HHLA1: variants seen among roughly 807,000 people sequenced by gnomAD.
HHLA1 encodes the protein HERV-H LTR-associating protein 1.
Under a neutral mutation model 69.9 loss-of-function variants are expected in HHLA1, and 72 were observed. The ratio of observed to expected loss-of-function variants is 1.03; its 90% CI spans 0.85 to 1.25. The LOEUF (loss-of-function observed/expected upper bound fraction) is 1.25. Among genes scored for constraint, HHLA1 ranks in the 50% most tolerant of loss-of-function variants. The pLI, the probability that HHLA1 is intolerant of heterozygous loss-of-function variation, is 0.00. For synonymous variants in HHLA1, 252 were observed against 233.2 expected, an observed-to-expected ratio of 1.08 and a Z score of -0.73; for missense variants, 685 against 642.2, an observed-to-expected ratio of 1.07 and a Z score of -0.72.
intron 8 of HHLA1, among the ~76,000 whole-genome samples, chr8:132,088,813 T>G (rs935334338): frequency 6.6e-6 from 1 of 152,202 alleles, no homozygotes; most frequent in African/African-American, 2.4e-5. Flanking sequence ...ACCTGTCAAG[T>G]AGGGATAAAT....
intron 16 of HHLA1, among the ~76,000 whole-genome samples, chr8:132,065,296 G>T (rs1438047900): frequency 6.6e-6 from 1 of 152,082 alleles, no homozygotes; most frequent in Non-Finnish European, 1.5e-5. Flanking sequence ...ATTTGTGGGG[G>T]TTGTCCCCCA....
At chr8:132,080,291 G>A (rs1254186241) in intron 10 of HHLA1, 5 of 383,790 alleles carry the variant, frequency 1.3e-5, no homozygotes, top group Non-Finnish European at 2.5e-5. Context: ...GAGCAATAAA[G>A]CTGTTTATTT....
intron 3 of HHLA1, among the ~76,000 whole-genome samples, chr8:132,102,740 C>T (rs1243461393): frequency 6.6e-6 from 1 of 151,524 alleles, no homozygotes; most frequent in Non-Finnish European, 1.5e-5. Context: ...AGGATTCCTA[C>T]ACCTTTCCAG....
At chr8:132,083,561 C>A (rs1823799963) in intron 10 of HHLA1, among the ~76,000 whole-genome samples, 2 of 152,164 alleles carry the variant, frequency 1.3e-5, no homozygotes, top group South Asian at 4.1e-4. Context: ...GGCCAGCGTT[C>A]CAAGGGCTCT....
chr8:132,105,112 A>C (rs1205195047), intron 2 of HHLA1, 75 bp downstream of exon 2: 8 of 1,091,522 alleles, frequency 7.3e-6, no homozygotes, highest in Non-Finnish European at 1.1e-5. Flanking sequence ...TTGGCTGCTG[A>C]GGTTCTCTAA....
chr8:132,071,315 A>T, intron 15 of HHLA1, 25 bp downstream of exon 15: 3 of 1,542,418 alleles, frequency 1.9e-6, no homozygotes, highest in Non-Finnish European at 2.6e-6. Context: ...ATTCCATGTG[A>T]AAAGAAGCCA....
At chr8:132,082,816 T>C (rs1424962825) in intron 10 of HHLA1, among the ~76,000 whole-genome samples, 1 of 152,128 alleles carries the variant, frequency 6.6e-6, no homozygotes, top group Non-Finnish European at 1.5e-5. Flanking sequence ...AACAATTTCG[T>C]TGATAAGGTG....
intron 15 of HHLA1, among the ~76,000 whole-genome samples, chr8:132,070,641 T>C (rs1309662841): frequency 2.0e-5 from 3 of 146,654 alleles, no homozygotes; most frequent in South Asian, 2.2e-4. Flanking sequence ...CTCAACTCAT[T>C]ACACCTCAAC....
intron 11 of HHLA1, among the ~76,000 whole-genome samples, chr8:132,079,275 C>T (rs1267500327): frequency 6.6e-6 from 1 of 152,162 alleles, no homozygotes; most frequent in Non-Finnish European, 1.5e-5. Flanking sequence ...ACTGACCTAA[C>T]CATGCCATAA....
intron 16 of HHLA1, 130 bp downstream of exon 16, chr8:132,065,756 T>A: frequency 2.5e-6 from 1 of 397,638 alleles, no homozygotes; most frequent in Non-Finnish European, 5.0e-6. Context: ...AGGTGCTCTT[T>A]GTCCCAAATT....
At chr8:132,077,668 C>G in intron 12 of HHLA1, 58 bp downstream of exon 12, 1 of 1,506,602 alleles carries the variant, frequency 6.6e-7, no homozygotes, top group South Asian at 1.3e-5. Context: ...TTTATCAAAA[C>G]AGACAATGCT....
intron 16 of HHLA1, among the ~76,000 whole-genome samples, 156 bp downstream of exon 16, chr8:132,065,730 G>A (rs779795994): frequency 6.6e-6 from 1 of 152,182 alleles, no homozygotes; most frequent in Non-Finnish European, 1.5e-5. Context: ...AGCTGAAAGG[G>A]AATAAGAAAA....
At chr8:132,079,261 A>G (rs1037429154) in intron 11 of HHLA1, among the ~76,000 whole-genome samples, 4 of 152,236 alleles carry the variant, frequency 2.6e-5, no homozygotes, top group Non-Finnish European at 1.5e-5. Flanking sequence ...GAAACCAGCT[A>G]CAGACTGACC....
intron 16 of HHLA1, among the ~76,000 whole-genome samples, chr8:132,064,275 C>A (rs1195860046): frequency 6.6e-6 from 1 of 152,226 alleles, no homozygotes; most frequent in Admixed American, 6.5e-5. Context: ...TATTTCTCCA[C>A]TCACTGCCCA....
chr8:132,100,039 C>A, intron 4 of HHLA1, 36 bp downstream of exon 4: 1 of 1,532,116 alleles, frequency 6.5e-7, no homozygotes. Context: ...CTCTGCAACC[C>A]AGACAACCCA....
intron 7 of HHLA1, among the ~76,000 whole-genome samples, chr8:132,089,924 G>A (rs1172911024): frequency 6.6e-6 from 1 of 152,072 alleles, no homozygotes; most frequent in Non-Finnish European, 1.5e-5. Flanking sequence ...TTTCCCCATT[G>A]TTTCGTCTAA....
intron 7 of HHLA1, among the ~76,000 whole-genome samples, chr8:132,091,886 C>T (rs940377967): frequency 7.9e-5 from 12 of 152,108 alleles, no homozygotes; most frequent in South Asian, 2.1e-4. Context: ...TTCTATTTTG[C>T]GGGCTTTATT....
intron 10 of HHLA1, among the ~76,000 whole-genome samples, chr8:132,082,331 G>A (rs1221488696): frequency 1.3e-5 from 2 of 152,224 alleles, no homozygotes; most frequent in Non-Finnish European, 2.9e-5. Flanking sequence ...ACGCAGACAT[G>A]AGGGCTAGGC....
At chr8:132,110,195 A>G (rs1824272904) in intron 1 of HHLA1, among the ~76,000 whole-genome samples, 1 of 152,194 alleles carries the variant, frequency 6.6e-6, no homozygotes, top group Non-Finnish European at 1.5e-5. Context: ...GGAAATACAC[A>G]CTGGAGTGTC....
Sources: gnomAD v4.1 joint callset for allele counts (sites outside exome capture counted in the v4.1 genomes callset) on GRCh38, gnomAD v4.1.1 for gene constraint, MANE v1.5 for transcripts, NCBI Gene and HGNC (gene_info 2026-07-23, HGNC 2026-07-21) for gene names.